Variants in PSG6 observed in about 807,000 individuals in gnomAD.
The protein encoded by PSG6 is pregnancy specific beta-1-glycoprotein 6, also known as pregnancy-specific beta-1-glycoprotein 6.
A neutral mutation model predicts 43.3 loss-of-function variants in PSG6; 51 were observed. The observed-to-expected ratio is 1.18, with a 90% confidence interval of 0.94 to 1.49. The LOEUF (loss-of-function observed/expected upper bound fraction) is 1.49, where lower values mean the gene tolerates loss of function less well. Ranked by LOEUF, PSG6 falls within the 40% of genes most tolerant of loss-of-function variation. The pLI is 0.00. For synonymous variants in PSG6, 292 were observed against 197.6 expected (o/e 1.48, Z -4.01); for missense variants, 770 against 522.2 (o/e 1.47, Z -4.62).
rs371731911 is a variant in PSG6, at chr19:42,908,049, G to T, written c.707-195C>A. On this transcript the variant is annotated intron_variant, in intron 3 of 5. Coordinates refer to ENST00000187910, the MANE Select transcript of PSG6 (RefSeq NM_001031850.4). ...GTGAGGCCTCCTGCTCTGTCTTAGG[G>T]AAGCACAGACTTTCTCAAGTGTCAA... The T allele has an allele frequency of 3.4e-5, 32 of 945,682 alleles. 2 individuals are homozygous for T. The highest frequency in any genetic ancestry group is 3.0e-4 in the African/African-American group (18 of 60,606). The allele number at this position is 945,682 out of a possible 1,614,324, so 58.6% of individuals were successfully genotyped here.
intron 2 of PSG6, chr19:42,915,915 G>C (rs10421756): frequency 3.0e-6 from 2 of 666,924 alleles, no homozygotes; most frequent in African/African-American, 2.5e-5. Context: ...CCTCTGCAGC[G>C]AGTGTCTGCA....
chr19:42,907,322 C>T (rs1164882524), intron 4 of PSG6, 146 bp from the exon 5 acceptor site: 3 of 1,470,820 alleles, frequency 2.0e-6, no homozygotes, highest in East Asian at 2.3e-5. Flanking sequence ...AAGCCCAAGC[C>T]TGAGGTATTC....
chr19:42,906,285 T>A (rs1485696292), intron 5 of PSG6, among the ~76,000 whole-genome samples: 1 of 151,556 alleles, frequency 6.6e-6, no homozygotes, highest in African/African-American at 2.4e-5. Context: ...TCTCTTCTTA[T>A]TTCCCTGCAG....
intron 5 of PSG6, chr19:42,906,583 G>A (rs546020519): frequency 1.5e-6 from 2 of 1,332,080 alleles, no homozygotes; most frequent in South Asian, 1.9e-5. Context: ...CAAAGACATG[G>A]CAGAAGGGGA....
At chr19:42,904,915 T>G (rs1222030195) in intron 5 of PSG6, among the ~76,000 whole-genome samples, 1 of 151,660 alleles carries the variant, frequency 6.6e-6, no homozygotes, top group Non-Finnish European at 1.5e-5. Context: ...ATCAATACAG[T>G]GTGGTACTGG....
At position 42,910,631 on chromosome 19, in the gene PSG6, G is replaced by A. The variant is rs373770366; in HGVS notation, c.655C>T (p.Arg219Trp). 45 of 1,612,402 alleles carry A rather than the reference G, an allele frequency of 2.8e-5. 1 individual carries two copies. Among genetic ancestry groups the A allele is most frequent in the Middle Eastern group, 3.3e-4 (2 of 6,060 alleles). ...YIAGPYECEIRNPVSASRSDP... is the reference protein window; with the variant it reads ...YIAGPYECEIWNPVSASRSDP... ...CTGCGGCTGGCACTCACTGGGTTCC[G>A]TATTTCACATTCATAGGGTCCTGCA... Residue 219 changes from arginine (R) to tryptophan (W), a missense_variant, in exon 3 of 6, where the codon CGG becomes TGG. Arg to Trp is a moderately radical substitution (Grantham distance 101). Transcript: ENST00000187910.
chr19:42,902,953 T>C (rs1568440209), intron 5 of PSG6, among the ~76,000 whole-genome samples: 1 of 151,682 alleles, frequency 6.6e-6, no homozygotes, highest in African/African-American at 2.4e-5. Context: ...GCACTTTCTA[T>C]GTGCCAGGCC....
chr19:42,913,512 C>G lies in PSG6; in HGVS notation c.427+2613G>C, dbSNP rs148470503. Among the ~76,000 whole-genome samples the G allele has an allele frequency of 9.2e-3, 1,391 of 151,594 alleles. 49 individuals carry two copies. Among genetic ancestry groups the G allele is most frequent in the African/African-American group, 0.032 (1,330 of 41,324 alleles). On this transcript the variant is annotated intron_variant, in intron 2 of 5. Coordinates refer to ENST00000187910, the MANE Select transcript of PSG6 (RefSeq NM_001031850.4). ...TCAGCTTTTTACTTAGTGTTAGAAC[C>G]GAGTGACAAATTTCAAGCTTGTTTT...
chr19:42,903,561 GAAAA>G, intron 5 of PSG6: 1 of 1,389,786 alleles, frequency 7.2e-7, no homozygotes. Context: ...GATTGGCTAA[GAAAA>G]AAAGAGAAAA....
chr19:42,909,783 T>C (rs933521984), intron 3 of PSG6: 2 of 151,624 alleles, frequency 1.3e-5, no homozygotes, highest in African/African-American at 4.9e-5. Context: ...AAGCTGGTGG[T>C]TTTGGAGCAG....
In PSG6 at chr19:42,910,153, C is replaced by T. The variant is rs147645858; in HGVS notation, c.706+427G>A. ...TGGTAATAGGTGTATGAGGAAGAAA[C>T]GGTGGGAGCATCCAGGCCATGCGGA... On this transcript the variant is annotated intron_variant, in intron 3 of 5. Coordinates refer to ENST00000187910, the MANE Select transcript of PSG6 (RefSeq NM_001031850.4). 429 of 297,248 alleles carry T rather than the reference C, an allele frequency of 1.4e-3. 4 individuals are homozygous for T. The highest frequency in any genetic ancestry group is 2.2e-3 in the Non-Finnish European group (344 of 154,166). 18.4% of individuals were successfully genotyped at this position (297,248 alleles called of 1,614,324 possible).
At chr19:42,907,310 C>G (rs1972133616) in intron 4 of PSG6, 134 bp from the exon 5 acceptor site, 1 of 1,483,972 alleles carries the variant, frequency 6.7e-7, no homozygotes, top group East Asian at 2.3e-5. Context: ...TCTATGTTTA[C>G]TAAGCCCAAG....
chr19:42,910,632 T>C lies in PSG6; in HGVS notation c.654A>G (p.Ile218Met), dbSNP rs1438584469. The C allele has an allele frequency of 9.9e-6, 16 of 1,612,312 alleles. 2 individuals are homozygous for C. The highest frequency in any genetic ancestry group is 1.3e-5 in the African/African-American group (1 of 74,704). ...TGCGGCTGGCACTCACTGGGTTCCG[T>C]ATTTCACATTCATAGGGTCCTGCAA... ...KYIAGPYECEIRNPVSASRSD... is the reference protein window; with the variant it reads ...KYIAGPYECEMRNPVSASRSD... The change falls in exon 3 of 6, where the codon ATA becomes ATG. Residue 218 changes from isoleucine to methionine, a missense_variant. Ile to Met is a conservative substitution (Grantham distance 10). Coordinates refer to ENST00000187910, the MANE Select transcript of PSG6 (RefSeq NM_001031850.4).
chr19:42,910,980 C>A (rs899883300), intron 2 of PSG6, 122 bp from the exon 3 acceptor site: 1 of 1,501,824 alleles, frequency 6.7e-7, no homozygotes, highest in African/African-American at 1.4e-5. Flanking sequence ...AAGCCCATGG[C>A]AGGTGTGTGT....
intron 5 of PSG6, among the ~76,000 whole-genome samples, chr19:42,906,152 A>G (rs1034656536): frequency 2.0e-5 from 3 of 151,426 alleles, no homozygotes; most frequent in South Asian, 2.1e-4. Flanking sequence ...GAATCTCCCT[A>G]TTTCTCTAGC....
At chr19:42,902,557 C>T (rs1484485833) in intron 5 of PSG6, 111 bp from the exon 6 acceptor site, 1 of 1,458,886 alleles carries the variant, frequency 6.9e-7, no homozygotes, top group Non-Finnish European at 9.3e-7. Context: ...GTCTAGTTCT[C>T]CGAGGCTCTC....
intron 2 of PSG6, among the ~76,000 whole-genome samples, chr19:42,914,692 C>G (rs1972291926): frequency 6.6e-6 from 1 of 151,566 alleles, no homozygotes; most frequent in African/African-American, 2.4e-5. Flanking sequence ...ATTCTGATTC[C>G]AAGATCCAGT....
chr19:42,906,536 G>A, intron 5 of PSG6: 1 of 1,280,584 alleles, frequency 7.8e-7, no homozygotes, highest in Non-Finnish European at 1.0e-6. Flanking sequence ...CAAAGCCTCA[G>A]ATGTTCCTTG....
intron 5 of PSG6, 22 bp from the exon 6 acceptor site, chr19:42,902,468 T>A: frequency 6.2e-7 from 1 of 1,608,210 alleles, no homozygotes; most frequent in South Asian, 1.1e-5. Flanking sequence ...AAGGCCCAGG[T>A]CAGCGCATTT....
Sources: allele counts gnomAD v4.1 joint callset (sites outside exome capture counted in the v4.1 genomes callset), GRCh38; gene constraint gnomAD v4.1.1; transcripts MANE v1.5; gene names NCBI Gene and HGNC (gene_info 2026-07-23, HGNC 2026-07-21).